Variants in SORCS3 observed in about 807,000 individuals in gnomAD.
SORCS3 encodes VPS10 domain-containing receptor SorCS3.
In SORCS3, 57 loss-of-function variants were observed where a neutral mutation model predicts 146.3. The observed-to-expected ratio is 0.39, with a 90% CI of 0.31 to 0.49. The LOEUF (loss-of-function observed/expected upper bound fraction) is 0.49, where lower values mean the gene tolerates loss of function less well. Among genes scored for constraint, SORCS3 ranks in the 20% least tolerant of loss-of-function variants. The probability of loss-of-function intolerance (pLI) is 0.92; values close to 1 mark genes in which losing one functional copy is unlikely to be tolerated. For synonymous variants in SORCS3, 653 were observed against 618.5 expected, an observed-to-expected ratio of 1.06 and a Z score of -0.83; for missense variants, 1,341 against 1,575.5, an observed-to-expected ratio of 0.85 and a Z score of 2.52.
rs1413079412 is a variant in SORCS3 at position 105,037,987 on chromosome 10, A to ATAAC, written c.955-5068_955-5067insTAAC. The stretch of plus-strand genomic sequence containing the variant: ...TAGGGAACTAATAACGGAATCAATA[A>ATAAC]GGAAAAGAGTATGTTCTTTCATATT... On this transcript the variant is annotated intron_variant, in intron 4 of 26. Coordinates refer to ENST00000369701, the MANE Select transcript of SORCS3 (RefSeq NM_014978.3). Among the ~76,000 whole-genome samples, 3 of 152,222 alleles carry ATAAC rather than the reference A, an allele frequency of 2.0e-5. No homozygotes were observed. In the East Asian group the frequency reaches 5.8e-4, roughly 29 times the overall value.
rs564635062 is a variant in SORCS3, at chr10:104,690,735, A to G, written c.627+48781A>G. 4.6e-5 allele frequency among the ~76,000 whole-genome samples: 7 copies of G among 152,248 alleles called. No homozygotes were observed. In the South Asian group the frequency reaches 1.4e-3, roughly 32 times the overall value. On this transcript the variant is annotated intron_variant, in intron 1 of 26. Coordinates refer to ENST00000369701, the MANE Select transcript of SORCS3 (RefSeq NM_014978.3). Reference sequence around the variant, plus strand: ...TGAGGACGAGGTCTTGGGTTTCAGGATAGTGGACAACAGGCATTCTCCTAT... The same window carrying G: ...TGAGGACGAGGTCTTGGGTTTCAGGGTAGTGGACAACAGGCATTCTCCTAT...
At chr10:104,927,584 A>G (rs886463099) in intron 3 of SORCS3, among the ~76,000 whole-genome samples, 35 of 152,180 alleles carry the variant, frequency 2.3e-4, no homozygotes, top group African/African-American at 8.2e-4. Flanking sequence ...AAGCCTTTAA[A>G]AAGAAGACAG....
chr10:104,990,262 A>G (rs1038784980), intron 4 of SORCS3, among the ~76,000 whole-genome samples: 5 of 152,222 alleles, frequency 3.3e-5, no homozygotes, highest in African/African-American at 4.8e-5. Context: ...GAATTTCCCA[A>G]TGGAATGAAA....
intron 2 of SORCS3, among the ~76,000 whole-genome samples, chr10:104,891,490 C>G (rs1358004084): frequency 2.0e-5 from 3 of 152,084 alleles, no homozygotes; most frequent in African/African-American, 7.2e-5. Context: ...CTGGGCTTCA[C>G]CTAAGTTACT....
intron 1 of SORCS3, among the ~76,000 whole-genome samples, chr10:104,710,676 CA>C (rs1408476425): frequency 6.6e-6 from 1 of 152,016 alleles, no homozygotes; most frequent in African/African-American, 2.4e-5. Flanking sequence ...CCCCCACCCC[CA>C]CCTCATCCAG....
intron 4 of SORCS3, among the ~76,000 whole-genome samples, chr10:105,015,007 A>C (rs985944502): frequency 6.6e-6 from 1 of 152,236 alleles, no homozygotes; most frequent in Non-Finnish European, 1.5e-5. Context: ...ATGGACTACG[A>C]CAGAAAATTA....
At position 105,199,329 on chromosome 10, in the gene SORCS3, C is replaced by G. The variant is rs914454960; in HGVS notation, c.2010-670C>G. ...AGGTCAGTATTGATTATCTAAGTCA[C>G]AGATGGTGTGCTTCTTTACTATACA... On this transcript the variant is annotated intron_variant, in intron 14 of 26. Coordinates refer to ENST00000369701, the MANE Select transcript of SORCS3 (RefSeq NM_014978.3). Among the ~76,000 whole-genome samples the G allele has an allele frequency of 3.3e-5, 5 of 151,884 alleles. No individual in the cohort carries two copies. The East Asian group carries it at 9.7e-4, about 29-fold the overall frequency.
chr10:105,026,311 A>T (rs1417997214), intron 4 of SORCS3, among the ~76,000 whole-genome samples: 1 of 152,066 alleles, frequency 6.6e-6, no homozygotes, highest in East Asian at 1.9e-4. Context: ...TCGCCGCTCC[A>T]CTCTGTGGGT....
intron 7 of SORCS3, among the ~76,000 whole-genome samples, chr10:105,129,662 TACACAC>T (rs71022754): frequency 6.1e-5 from 9 of 147,918 alleles, no homozygotes; most frequent in Non-Finnish European, 7.5e-5. Context: ...CCCACTCAAA[TACACAC>T]ACACACACAC....
intron 16 of SORCS3, among the ~76,000 whole-genome samples, chr10:105,208,624 A>G (rs2056616192): frequency 6.7e-6 from 1 of 149,320 alleles, no homozygotes; most frequent in Non-Finnish European, 1.5e-5. Context: ...AGAATGATAG[A>G]ATATTTTTAT....
intron 4 of SORCS3, among the ~76,000 whole-genome samples, chr10:104,999,389 C>A (rs1365591501): frequency 6.6e-6 from 1 of 152,084 alleles, no homozygotes; most frequent in Non-Finnish European, 1.5e-5. Context: ...GCAGACAATT[C>A]CAGTTTTAGA....
intron 1 of SORCS3, among the ~76,000 whole-genome samples, chr10:104,701,471 C>T (rs2016278945): frequency 6.6e-6 from 1 of 152,156 alleles, no homozygotes; most frequent in African/African-American, 2.4e-5. Context: ...AAGGGTAGCA[C>T]CTTCAACAGT....
At chr10:105,031,357 AC>A (rs2055266563) in intron 4 of SORCS3, among the ~76,000 whole-genome samples, 5 of 151,200 alleles carry the variant, frequency 3.3e-5, no homozygotes, top group Non-Finnish European at 5.9e-5. Flanking sequence ...ACACACACAC[AC>A]ACACAAAAAC....
chr10:104,916,879 G>C (rs182027381), intron 3 of SORCS3, among the ~76,000 whole-genome samples: 3 of 152,284 alleles, frequency 2.0e-5, no homozygotes, highest in Admixed American at 6.5e-5. Flanking sequence ...TCAAACCATT[G>C]TGCGGATGTC....
At chr10:104,685,837 C>G (rs534042718) in intron 1 of SORCS3, among the ~76,000 whole-genome samples, 1 of 152,170 alleles carries the variant, frequency 6.6e-6, no homozygotes, top group Non-Finnish European at 1.5e-5. Context: ...TCCCTTTGTC[C>G]CCACAAATGT....
intron 3 of SORCS3, among the ~76,000 whole-genome samples, chr10:104,918,263 G>T (rs1439451519): frequency 6.6e-6 from 1 of 152,094 alleles, no homozygotes; most frequent in Non-Finnish European, 1.5e-5. Context: ...TGGAGTCTCG[G>T]TTAGAAATCA....
chr10:104,717,815 C>T (rs2016497297), intron 1 of SORCS3, among the ~76,000 whole-genome samples: 1 of 152,000 alleles, frequency 6.6e-6, no homozygotes, highest in South Asian at 2.1e-4. Context: ...AACAGTATAC[C>T]ACAGACTGAG....
At chr10:105,075,107 C>T (rs556997572) in intron 5 of SORCS3, among the ~76,000 whole-genome samples, 1 of 152,292 alleles carries the variant, frequency 6.6e-6, no homozygotes, top group East Asian at 1.9e-4. Flanking sequence ...ATAATTAACT[C>T]CCCGAATTCC....
chr10:104,736,048 T>A lies in SORCS3; in HGVS notation c.627+94094T>A, dbSNP rs540788244. Among the ~76,000 whole-genome samples, 10 of 152,296 alleles carry A rather than the reference T, an allele frequency of 6.6e-5. No homozygotes were observed. The East Asian group carries it at 1.9e-3, about 29-fold the overall frequency. ...TCATTTTCTCTTTCATCTCGGCTCA[T>A]CCCCCTTGGGCTGGTGTTAAACAGC... is the stretch of plus-strand genomic sequence containing the variant. On this transcript the variant is annotated intron_variant, in intron 1 of 26. Coordinates refer to ENST00000369701, the MANE Select transcript of SORCS3 (RefSeq NM_014978.3).
Sources: gnomAD v4.1 joint callset for allele counts (sites outside exome capture counted in the v4.1 genomes callset) on GRCh38, gnomAD v4.1.1 for gene constraint, MANE v1.5 for transcripts, NCBI Gene and HGNC (gene_info 2026-07-23, HGNC 2026-07-21) for gene names.